The following HIPK2 variants were observed in gnomAD, a reference collection of about 807,000 sequenced individuals.
The protein encoded by HIPK2 is homeodomain-interacting protein kinase 2.
A neutral mutation model predicts 113.7 loss-of-function variants in HIPK2; 27 were observed. The ratio of observed to expected loss-of-function variants is 0.24; its 90% CI spans 0.17 to 0.33. HIPK2 has a LOEUF of 0.33. HIPK2 is among the 10% of genes least tolerant of loss of function. The pLI is 1.00. For synonymous variants in HIPK2, 631 were observed against 642.2 expected, an observed-to-expected ratio of 0.98 and a Z score of 0.26; for missense variants, 1,257 against 1,588.0, an observed-to-expected ratio of 0.79 and a Z score of 3.54.
At chr7:139,594,368 A>G (rs185659555) in intron 12 of HIPK2, among the ~76,000 whole-genome samples, 2 of 152,320 alleles carry the variant, frequency 1.3e-5, no homozygotes, top group Admixed American at 1.3e-4. Flanking sequence ...CCAGCATAAT[A>G]TCTTACACTA....
chr7:139,626,374 ATTACAGGC>A (rs1159572696), intron 6 of HIPK2, among the ~76,000 whole-genome samples: 6 of 152,006 alleles, frequency 3.9e-5, no homozygotes, highest in Non-Finnish European at 8.8e-5. Context: ...AAGTGCTAGG[ATTACAGGC>A]ATGAGACACC....
chr7:139,605,421 A>C (rs1374770205), intron 9 of HIPK2, among the ~76,000 whole-genome samples: 1 of 152,186 alleles, frequency 6.6e-6, no homozygotes, highest in Admixed American at 6.5e-5. Context: ...TAAAGGTTTG[A>C]TATCTTAGCC....
At chr7:139,603,174 T>C (rs543005453) in intron 10 of HIPK2, among the ~76,000 whole-genome samples, 1 of 152,226 alleles carries the variant, frequency 6.6e-6, no homozygotes, top group East Asian at 1.9e-4. Context: ...AATAGCCTTG[T>C]AGGTCAGAAT....
At chr7:139,623,517 CAAAAAAA>C (rs771370297) in intron 6 of HIPK2, among the ~76,000 whole-genome samples, 5 of 74,108 alleles carry the variant, frequency 6.7e-5, no homozygotes, top group East Asian at 1.2e-3. Context: ...GACTCTACTT[CAAAAAAA>C]AAAAAAAAAA....
chr7:139,649,375 C>T (rs1413520624), intron 2 of HIPK2, among the ~76,000 whole-genome samples: 2 of 152,172 alleles, frequency 1.3e-5, no homozygotes, highest in African/African-American at 4.8e-5. Flanking sequence ...AGTTCCCAGC[C>T]TAAGATTTTG....
intron 12 of HIPK2, among the ~76,000 whole-genome samples, chr7:139,589,809 A>T (rs1361180143): frequency 1.3e-5 from 2 of 151,732 alleles, no homozygotes; most frequent in East Asian, 3.9e-4. Context: ...ACCTTTATAA[A>T]CTCTTCCCAG....
intron 2 of HIPK2, among the ~76,000 whole-genome samples, chr7:139,661,794 C>T (rs1422419798): frequency 1.3e-5 from 2 of 152,220 alleles, no homozygotes; most frequent in East Asian, 3.8e-4. Context: ...CTGCATGCAG[C>T]CTGCAGGCTG....
intron 2 of HIPK2, among the ~76,000 whole-genome samples, chr7:139,685,747 T>C (rs1794197543): frequency 6.6e-6 from 1 of 152,196 alleles, no homozygotes; most frequent in South Asian, 2.1e-4. Context: ...TAAAGCCTGG[T>C]TTACTGAATA....
chr7:139,604,683 C>CAAAA (rs11353760), intron 9 of HIPK2, among the ~76,000 whole-genome samples: 3 of 48,800 alleles, frequency 6.1e-5, no homozygotes, highest in Admixed American at 3.1e-4. Context: ...GACTCCGTCT[C>CAAAA]AAAAAAAAAA....
At chr7:139,666,489 G>A (rs139680589) in intron 2 of HIPK2, among the ~76,000 whole-genome samples, 3 of 152,206 alleles carry the variant, frequency 2.0e-5, no homozygotes, top group Admixed American at 6.5e-5. Context: ...TCTTCCTTGG[G>A]GCTTTAAGTA....
Position 139,631,781 on chromosome 7 carries a change from T to C in HIPK2, c.1104-56A>G. ...CAAGTTGGAAATGCAGGAAGCTGTT[T>C]CTATATGAATACTATCTTTCAAACC... On this transcript the variant is annotated intron_variant, in intron 2 of 14. Coordinates refer to ENST00000406875, the MANE Select transcript of HIPK2 (RefSeq NM_022740.5). The surrounding 1 kb of genome is among the most constrained non-coding windows in gnomAD (Gnocchi z 4.9). 1 of 1,559,052 alleles carries C rather than the reference T, an allele frequency of 6.4e-7. No homozygotes were observed. Among genetic ancestry groups the C allele is most frequent in the East Asian group, 2.3e-5 (1 of 42,948 alleles).
At chr7:139,654,440 G>A (rs150691283) in intron 2 of HIPK2, among the ~76,000 whole-genome samples, 51 of 152,274 alleles carry the variant, frequency 3.3e-4, no homozygotes, top group African/African-American at 1.2e-3. Context: ...TTGAGTCTGA[G>A]AGGTTCAAGC....
intron 1 of HIPK2, among the ~76,000 whole-genome samples, chr7:139,773,545 T>C (rs1381993029): frequency 6.6e-6 from 1 of 152,174 alleles, no homozygotes; most frequent in Non-Finnish European, 1.5e-5. Flanking sequence ...TATCACACCC[T>C]CTTGATCATC....
In HIPK2 at chr7:139,683,281, C is replaced by T. The variant is rs908317271; in HGVS notation, c.1103+32651G>A. On this transcript the variant is annotated intron_variant, in intron 2 of 14. Transcript: ENST00000406875. The surrounding 1 kb of genome is among the most constrained non-coding windows in gnomAD (Gnocchi z 4.2). ...CTGCCTGTTAATGTGTAACAAGGTA[C>T]CGCAAAACTTAGTGCCTTAAAATAA... is the stretch of plus-strand genomic sequence containing the variant. Among the ~76,000 whole-genome samples, 1 of 152,180 alleles carries T rather than the reference C, an allele frequency of 6.6e-6. No homozygotes were observed. Among genetic ancestry groups the T allele is most frequent in the Non-Finnish European group, 1.5e-5 (1 of 68,022 alleles).
At position 139,630,360 on chromosome 7, in the gene HIPK2, G is replaced by A. The variant is rs1021876298; in HGVS notation, c.1347+805C>T. 6.6e-6 allele frequency among the ~76,000 whole-genome samples: 1 copy of A among 151,796 alleles called. No individual in the cohort carries two copies. The highest frequency in any genetic ancestry group is 1.5e-5 in the Non-Finnish European group (1 of 67,952). Reference sequence around the variant, plus strand: ...CTCCCTAACCCCCATCACCCCAGCCGCCACCCCACACTTCTATACTGGGCA... The same window carrying A: ...CTCCCTAACCCCCATCACCCCAGCCACCACCCCACACTTCTATACTGGGCA... On this transcript the variant is annotated intron_variant, in intron 4 of 14. Transcript: ENST00000406875. The surrounding 1 kb of genome is among the most constrained non-coding windows in gnomAD (Gnocchi z 4.0).
chr7:139,605,316 G>T (rs1435109677), intron 9 of HIPK2, among the ~76,000 whole-genome samples: 1 of 151,482 alleles, frequency 6.6e-6, no homozygotes, highest in South Asian at 2.1e-4. Context: ...CTTGTCTTTG[G>T]TCATTAGATG....
intron 14 of HIPK2, among the ~76,000 whole-genome samples, chr7:139,574,675 C>A (rs923654086): frequency 1.1e-4 from 16 of 152,206 alleles, no homozygotes; most frequent in African/African-American, 2.9e-4. Context: ...CTCAACCCAC[C>A]CCCCTTCCTC....
intron 1 of HIPK2, among the ~76,000 whole-genome samples, chr7:139,762,917 T>C (rs1178278974): frequency 6.6e-6 from 1 of 151,996 alleles, no homozygotes; most frequent in Non-Finnish European, 1.5e-5. Flanking sequence ...AAGAAGAGGG[T>C]GCTCTGAGAT....
intron 2 of HIPK2, among the ~76,000 whole-genome samples, chr7:139,656,031 T>C (rs1801655474): frequency 6.6e-6 from 1 of 152,184 alleles, no homozygotes; most frequent in Admixed American, 6.5e-5. Context: ...CAACTCGCTT[T>C]CCAAGTCCCC....
Sources: gnomAD v4.1 joint callset for allele counts (sites outside exome capture counted in the v4.1 genomes callset) on GRCh38, gnomAD v4.1.1 for gene constraint, Gnocchi (gnomAD v3.1) non-coding constraint, MANE v1.5 for transcripts, NCBI Gene and HGNC (gene_info 2026-07-23, HGNC 2026-07-21) for gene names.